CNIH3: variants seen among roughly 807,000 people sequenced by gnomAD.
CNIH3 encodes cornichon family AMPA receptor auxiliary protein 3, also known as protein cornichon homolog 3.
In CNIH3, 14 loss-of-function variants were observed where a neutral mutation model predicts 24.1. The observed-to-expected ratio is 0.58, with a 90% CI of 0.38 to 0.91. CNIH3 has a LOEUF of 0.91. CNIH3 is among the 40% of genes least tolerant of loss of function. CNIH3 has a pLI of 0.00. For missense variants in CNIH3, 178 were observed against 196.8 expected, an observed-to-expected ratio of 0.90 and a Z score of 0.57; for synonymous variants, 68 against 73.8, an observed-to-expected ratio of 0.92 and a Z score of 0.40.
intron 2 of CNIH3, among the ~76,000 whole-genome samples, chr1:224,544,557 T>C (rs1037589168): frequency 9.2e-5 from 14 of 152,072 alleles, no homozygotes; most frequent in Admixed American, 4.6e-4. Context: ...CTTGGAATGG[T>C]GGGAGAACAA....
chr1:224,618,906 T>C (rs1683157013), intron 1 of CNIH3, among the ~76,000 whole-genome samples: 1 of 152,264 alleles, frequency 6.6e-6, no homozygotes, highest in African/African-American at 2.4e-5. Context: ...AAAGGAAACT[T>C]ACCTGATTTA....
At chr1:224,539,211 A>G (rs1363505981), downstream of CNIH3, among the ~76,000 whole-genome samples, 2 of 152,170 alleles carry the variant, frequency 1.3e-5, no homozygotes, top group African/African-American at 2.4e-5. Context: ...TATCATGGCT[A>G]TTAGGACTTC....
chr1:224,479,813 T>A (rs1203132040), intron 1 of CNIH3, among the ~76,000 whole-genome samples: 1 of 152,218 alleles, frequency 6.6e-6, no homozygotes, highest in Non-Finnish European at 1.5e-5. Flanking sequence ...GGGTTCAGCC[T>A]CCCTCCTGGC....
chr1:224,712,658 C>T (rs552627034), intron 3 of CNIH3, among the ~76,000 whole-genome samples: 25 of 152,120 alleles, frequency 1.6e-4, no homozygotes, highest in Non-Finnish European at 3.1e-4. Context: ...TGTCTAGTAT[C>T]AATATTTTGT....
chr1:224,596,950 C>A (rs147670436), intron 3 of CNIH3, among the ~76,000 whole-genome samples: 115 of 152,124 alleles, frequency 7.6e-4, no homozygotes, highest in Non-Finnish European at 1.5e-3. Context: ...GTCAGGAGGT[C>A]GAGATCAGCC....
At chr1:224,437,865 T>C (rs1218955821) in intron 1 of CNIH3, among the ~76,000 whole-genome samples, 11 of 151,862 alleles carry the variant, frequency 7.2e-5, no homozygotes, top group Non-Finnish European at 1.2e-4. Flanking sequence ...ACTCAAGAAA[T>C]AGGTGTTGGA....
intron 2 of CNIH3, among the ~76,000 whole-genome samples, chr1:224,532,273 C>T (rs1462405184): frequency 1.3e-5 from 2 of 152,152 alleles, no homozygotes; most frequent in East Asian, 3.8e-4. Context: ...GACCCAGTGT[C>T]TGGAGCCAGG....
At chr1:224,523,044 G>A (rs1678703541) in intron 2 of CNIH3, among the ~76,000 whole-genome samples, 1 of 152,058 alleles carries the variant, frequency 6.6e-6, no homozygotes, top group Non-Finnish European at 1.5e-5. Context: ...AGACCAGCCT[G>A]GGCAACATAG....
chr1:224,585,420 C>A (rs1681458266), intron 5 of CNIH3, among the ~76,000 whole-genome samples: 1 of 152,248 alleles, frequency 6.6e-6, no homozygotes, highest in South Asian at 2.1e-4. Flanking sequence ...AGAGCCATAT[C>A]CTACACGTGC....
intron 3 of CNIH3, among the ~76,000 whole-genome samples, chr1:224,600,830 A>T (rs1682176500): frequency 6.6e-6 from 1 of 152,212 alleles, no homozygotes; most frequent in South Asian, 2.1e-4. Context: ...AATCTGATAG[A>T]ACTCCTGTCC....
chr1:224,464,938 G>A (rs1405983493), intron 1 of CNIH3, among the ~76,000 whole-genome samples: 1 of 151,976 alleles, frequency 6.6e-6, no homozygotes, highest in Non-Finnish European at 1.5e-5. Context: ...TGGGCCCACA[G>A]GTGTGTACCA....
intron 1 of CNIH3, among the ~76,000 whole-genome samples, chr1:224,481,911 G>A (rs1338864295): frequency 6.6e-6 from 1 of 152,144 alleles, no homozygotes; most frequent in Non-Finnish European, 1.5e-5. Flanking sequence ...AAATCTACCT[G>A]GTGCTCTATT....
chr1:224,478,908 C>A (rs1381403191), intron 1 of CNIH3, among the ~76,000 whole-genome samples: 1 of 152,204 alleles, frequency 6.6e-6, no homozygotes, highest in Non-Finnish European at 1.5e-5. Context: ...GAAAAACTCC[C>A]CCTTATAATA....
At chr1:224,475,229 G>A (rs1361875459) in intron 1 of CNIH3, among the ~76,000 whole-genome samples, 37 of 150,414 alleles carry the variant, frequency 2.5e-4, no homozygotes, top group Non-Finnish European at 2.5e-4. Context: ...GGCTGCATGC[G>A]CCTGTAGTCC....
chr1:224,572,656 C>G (rs1412066084), intron 4 of CNIH3, among the ~76,000 whole-genome samples: 2 of 150,206 alleles, frequency 1.3e-5, no homozygotes, highest in Non-Finnish European at 3.0e-5. Context: ...ATATTTCTGC[C>G]CCAAAAAATG....
chr1:224,495,107 G>C (rs909081495), intron 1 of CNIH3, among the ~76,000 whole-genome samples: 5 of 152,188 alleles, frequency 3.3e-5, no homozygotes, highest in African/African-American at 1.2e-4. Flanking sequence ...CCCATAGTGA[G>C]AGTAGTTCCC....
At chr1:224,629,545 C>T (rs928456556) in intron 1 of CNIH3, among the ~76,000 whole-genome samples, 1 of 152,072 alleles carries the variant, frequency 6.6e-6, no homozygotes, top group Admixed American at 6.5e-5. Context: ...ACCCCTTTGT[C>T]GACGAACACT....
At chr1:224,739,265 C>G (rs1025588515) in intron 5 of CNIH3, 64 bp from the exon 6 acceptor site, 56 of 1,575,702 alleles carry the variant, frequency 3.6e-5, no homozygotes, top group Non-Finnish European at 4.6e-5. Context: ...AGCCTGAGTC[C>G]TCTGTGGGCT....
intron 1 of CNIH3, among the ~76,000 whole-genome samples, chr1:224,649,791 G>A (rs1338320445): frequency 6.6e-6 from 1 of 152,208 alleles, no homozygotes; most frequent in Non-Finnish European, 1.5e-5. Context: ...ACACCTGTGA[G>A]GATGGCTTTA....
Sources: gnomAD v4.1 joint callset for allele counts (sites outside exome capture counted in the v4.1 genomes callset) on GRCh38, gnomAD v4.1.1 for gene constraint, MANE v1.5 for transcripts, NCBI Gene and HGNC (gene_info 2026-07-23, HGNC 2026-07-21) for gene names.